The following COL19A1 variants were observed in gnomAD, a reference collection of about 807,000 sequenced individuals.
COL19A1 encodes collagen type XIX alpha 1 chain.
COL19A1 carries 159 observed loss-of-function variants against 190.2 expected under a neutral mutation model. The ratio of observed to expected loss-of-function variants is 0.84; its 90% CI spans 0.73 to 0.95. The LOEUF (loss-of-function observed/expected upper bound fraction) is 0.95. COL19A1 is among the 40% of genes least tolerant of loss of function. COL19A1 has a pLI of 0.00. For synonymous variants in COL19A1, 509 were observed against 458.9 expected (o/e 1.11, Z -1.39); for missense variants, 1,418 against 1,431.9 (o/e 0.99, Z 0.16).
chr6:70,177,838 G>T (rs1765911783), intron 42 of COL19A1, among the ~76,000 whole-genome samples: 1 of 151,924 alleles, frequency 6.6e-6, no homozygotes, highest in South Asian at 2.1e-4. Context: ...TTTTCATTGT[G>T]TTCACCCAGG....
At chr6:70,025,955 CT>C (rs1355130181) in intron 12 of COL19A1, among the ~76,000 whole-genome samples, 2 of 152,160 alleles carry the variant, frequency 1.3e-5, no homozygotes, top group African/African-American at 4.8e-5. Context: ...GAGAAGGATA[CT>C]AACTTGTGAG....
chr6:70,187,251 T>A (rs1766584642), intron 46 of COL19A1, among the ~76,000 whole-genome samples: 1 of 152,192 alleles, frequency 6.6e-6, no homozygotes, highest in African/African-American at 2.4e-5. Context: ...CCCAGTCACC[T>A]GCTTTGATCT....
intron 11 of COL19A1, among the ~76,000 whole-genome samples, chr6:69,964,859 C>T (rs539675157): frequency 6.6e-6 from 1 of 152,248 alleles, no homozygotes; most frequent in East Asian, 1.9e-4. Flanking sequence ...AAAGTAATTA[C>T]ATTACACCAA....
At chr6:70,069,660 T>C (rs576550283) in intron 15 of COL19A1, among the ~76,000 whole-genome samples, 16 of 152,266 alleles carry the variant, frequency 1.1e-4, no homozygotes, top group African/African-American at 3.8e-4. Flanking sequence ...TGTCTGGTAT[T>C]GTACTTTTGA....
At chr6:69,874,816 A>G (rs942967139) in intron 1 of COL19A1, among the ~76,000 whole-genome samples, 3 of 152,202 alleles carry the variant, frequency 2.0e-5, no homozygotes, top group Non-Finnish European at 2.9e-5. Context: ...CCCTTGAAAG[A>G]TTATAAGATC....
At position 70,211,570 on chromosome 6, in the gene COL19A1, A is replaced by G. The variant is rs937757732; in HGVS notation, c.*4296A>G. The stretch of plus-strand genomic sequence containing the variant: ...AATTGAATTTGTATCTTGTATGCCT[A>G]TGTAATTCAAAGTGACTTAGTCCAT... On this transcript the variant is annotated 3_prime_UTR_variant, in exon 51 of 51. Coordinates refer to ENST00000620364, the MANE Select transcript of COL19A1 (RefSeq NM_001858.6). Among the ~76,000 whole-genome samples, 1 of 149,138 alleles carries G rather than the reference A, an allele frequency of 6.7e-6. No homozygotes were observed. The highest frequency in any genetic ancestry group is 2.5e-5 in the African/African-American group (1 of 40,318).
chr6:70,152,214 T>C (rs945695881), intron 31 of COL19A1, among the ~76,000 whole-genome samples: 1 of 152,084 alleles, frequency 6.6e-6, no homozygotes, highest in African/African-American at 2.4e-5. Flanking sequence ...TTTGTATGAA[T>C]GGACGTTGTG....
chr6:69,921,434 A>ATCATATAT (rs1561998214), intron 4 of COL19A1, among the ~76,000 whole-genome samples: 1 of 78,530 alleles, frequency 1.3e-5, no homozygotes, highest in African/African-American at 7.2e-5. Flanking sequence ...TATCATATAT[A>ATCATATAT]TCATATATAT....
chr6:70,054,064 A>G (rs1399546198), intron 14 of COL19A1, among the ~76,000 whole-genome samples: 1 of 152,214 alleles, frequency 6.6e-6, no homozygotes, highest in Non-Finnish European at 1.5e-5. Context: ...ATAAAAAGAT[A>G]TTTTGGCCAG....
At chr6:70,033,718 A>G (rs914972195) in intron 12 of COL19A1, among the ~76,000 whole-genome samples, 1 of 152,204 alleles carries the variant, frequency 6.6e-6, no homozygotes, top group African/African-American at 2.4e-5. Flanking sequence ...TTAGAGAACT[A>G]AAATATACTT....
At chr6:69,963,667 A>G (rs1006402656) in intron 11 of COL19A1, among the ~76,000 whole-genome samples, 2 of 152,232 alleles carry the variant, frequency 1.3e-5, no homozygotes, top group African/African-American at 4.8e-5. Flanking sequence ...AGTCCAGAGC[A>G]GGTGTATAAG....
intron 11 of COL19A1, among the ~76,000 whole-genome samples, chr6:69,971,477 T>C (rs533062741): frequency 7.2e-5 from 11 of 152,292 alleles, no homozygotes; most frequent in Non-Finnish European, 1.5e-4. Context: ...ACAACAGCCA[T>C]AGGACAGTAG....
At chr6:69,900,720 G>C (rs1449964422) in intron 4 of COL19A1, among the ~76,000 whole-genome samples, 3 of 152,044 alleles carry the variant, frequency 2.0e-5, no homozygotes, top group African/African-American at 7.2e-5. Context: ...TAAATTTTTA[G>C]ATTTTCTATG....
intron 14 of COL19A1, among the ~76,000 whole-genome samples, chr6:70,036,836 A>G (rs1187766927): frequency 6.6e-6 from 1 of 152,168 alleles, no homozygotes; most frequent in Non-Finnish European, 1.5e-5. Context: ...AGCCCTTCCC[A>G]TAGGTAGAAC....
At chr6:70,063,659 C>T (rs947131714) in intron 14 of COL19A1, among the ~76,000 whole-genome samples, 3 of 151,866 alleles carry the variant, frequency 2.0e-5, no homozygotes, top group Non-Finnish European at 4.4e-5. Flanking sequence ...GATAGAGACA[C>T]AAAAAACCCT....
At chr6:69,919,484 G>GC (rs1201479184) in intron 4 of COL19A1, among the ~76,000 whole-genome samples, 1 of 151,984 alleles carries the variant, frequency 6.6e-6, no homozygotes, top group Admixed American at 6.6e-5. Flanking sequence ...TCTATCTCAT[G>GC]CCAAGATCTT....
At chr6:69,961,704 A>T (rs1774807840) in intron 10 of COL19A1, among the ~76,000 whole-genome samples, 1 of 152,140 alleles carries the variant, frequency 6.6e-6, no homozygotes, top group South Asian at 2.1e-4. Context: ...AATTACATGC[A>T]TGTAACACAC....
intron 9 of COL19A1, among the ~76,000 whole-genome samples, chr6:69,941,065 T>C (rs1483671600): frequency 1.3e-5 from 2 of 152,160 alleles, no homozygotes; most frequent in African/African-American, 2.4e-5. Flanking sequence ...CAGTAGTAAA[T>C]TTTGTGAAAT....
intron 1 of COL19A1, among the ~76,000 whole-genome samples, chr6:69,875,786 G>C (rs1768095090): frequency 6.6e-6 from 1 of 152,174 alleles, no homozygotes; most frequent in Non-Finnish European, 1.5e-5. Context: ...ACATCTAAGA[G>C]AGAATTTTGA....
Sources: allele counts gnomAD v4.1 joint callset (sites outside exome capture counted in the v4.1 genomes callset), GRCh38; gene constraint gnomAD v4.1.1; transcripts MANE v1.5; gene names NCBI Gene and HGNC (gene_info 2026-07-23, HGNC 2026-07-21).